Variants in DLGAP1 observed in about 807,000 individuals in gnomAD.
DLGAP1 encodes the protein DLG associated protein 1.
Under a neutral mutation model 90.8 loss-of-function variants are expected in DLGAP1, and 11 were observed. That is an observed-to-expected ratio of 0.12 (90% CI 0.08 to 0.20). DLGAP1 has a LOEUF of 0.20. Ranked by LOEUF, DLGAP1 falls within the 10% of genes least tolerant of loss-of-function variation. The pLI is 1.00. For missense variants in DLGAP1, 1,050 were observed against 1,333.8 expected, an observed-to-expected ratio of 0.79 and a Z score of 3.31; for synonymous variants, 558 against 540.7, an observed-to-expected ratio of 1.03 and a Z score of -0.44.
intron 7 of DLGAP1, among the ~76,000 whole-genome samples, chr18:3,703,410 G>A (rs1284126035): frequency 6.6e-6 from 1 of 152,182 alleles, no homozygotes; most frequent in Non-Finnish European, 1.5e-5. Flanking sequence ...TACTATAAAG[G>A]ACAAATAAAT....
chr18:3,626,827 G>A (rs1274213531), intron 7 of DLGAP1, among the ~76,000 whole-genome samples: 1 of 151,776 alleles, frequency 6.6e-6, no homozygotes, highest in East Asian at 2.0e-4. Flanking sequence ...GAACCCGGGA[G>A]GGCGGAGGCT....
chr18:3,879,245 T>C lies in DLGAP1; in HGVS notation c.824A>G (p.Lys275Arg), dbSNP rs1028983842. ...LPVSLDTPLL[K>R]KSAWSSTLTV... ...GAGCGTGGAGGACCAGGCGCTCTTC[T>C]TCAGCAGCGGGGTGTCCAGGCTGAC... The change falls in exon 4 of 13, where the codon AAG (lysine) becomes AGG (arginine). Residue 275 changes from lysine (K) to arginine (R), a missense_variant. Transcript: ENST00000315677. This position sits in a 1 kb window ranked among gnomAD's most constrained non-coding sequence, Gnocchi z 6.6. The C allele has an allele frequency of 6.3e-6, 10 of 1,597,014 alleles. No homozygotes were observed. The highest frequency in any genetic ancestry group is 4.0e-5 in the African/African-American group (3 of 74,374).
chr18:3,567,059 TTCATTCATTCA>T (rs1016876971), intron 9 of DLGAP1, among the ~76,000 whole-genome samples: 2 of 113,890 alleles, frequency 1.8e-5, no homozygotes, highest in East Asian at 4.4e-4. Context: ...CATTCATTCA[TTCATTCATTCA>T]TCATTCATTC....
intron 1 of DLGAP1, among the ~76,000 whole-genome samples, chr18:4,387,752 G>A (rs1413431559): frequency 2.6e-5 from 4 of 152,156 alleles, no homozygotes; most frequent in South Asian, 2.1e-4. Flanking sequence ...CCAGCATGGC[G>A]AAACCCCGTC....
chr18:3,816,468 GAAC>G (rs1010420958), intron 4 of DLGAP1, among the ~76,000 whole-genome samples: 2 of 152,146 alleles, frequency 1.3e-5, no homozygotes, highest in African/African-American at 2.4e-5. Context: ...TTAGATCTAA[GAAC>G]TTCAGATTGA....
At chr18:3,786,301 G>T (rs2065446504) in intron 5 of DLGAP1, among the ~76,000 whole-genome samples, 1 of 152,050 alleles carries the variant, frequency 6.6e-6, no homozygotes, top group African/African-American at 2.4e-5. Flanking sequence ...GCATTATTTT[G>T]CACCAAATGC....
intron 1 of DLGAP1, among the ~76,000 whole-genome samples, chr18:4,416,245 C>A (rs1490335163): frequency 6.6e-6 from 1 of 152,090 alleles, no homozygotes; most frequent in Non-Finnish European, 1.5e-5. Flanking sequence ...TATTTTCAAG[C>A]ATCCTGGCAA....
At chr18:4,067,946 C>A (rs977545013) in intron 2 of DLGAP1, among the ~76,000 whole-genome samples, 3 of 152,100 alleles carry the variant, frequency 2.0e-5, no homozygotes, top group Admixed American at 6.6e-5. Flanking sequence ...TGAGACTGTG[C>A]CTTGGGCCCT....
intron 1 of DLGAP1, among the ~76,000 whole-genome samples, chr18:4,387,006 T>A (rs1487430395): frequency 6.6e-6 from 1 of 152,182 alleles, no homozygotes; most frequent in Non-Finnish European, 1.5e-5. Context: ...CCTTTCTAAG[T>A]CACTCGCAAT....
At chr18:4,323,954 C>A (rs896218271) in intron 1 of DLGAP1, among the ~76,000 whole-genome samples, 1 of 151,938 alleles carries the variant, frequency 6.6e-6, no homozygotes, top group Non-Finnish European at 1.5e-5. Flanking sequence ...AACATAACAA[C>A]TGGAAGAACT....
chr18:3,654,402 TA>T (rs2059413412), intron 7 of DLGAP1, among the ~76,000 whole-genome samples: 1 of 152,244 alleles, frequency 6.6e-6, no homozygotes, highest in Admixed American at 6.5e-5. Context: ...ACAATAGTTT[TA>T]AAATTACTTA....
intron 2 of DLGAP1, among the ~76,000 whole-genome samples, chr18:4,144,278 G>A (rs182029244): frequency 6.6e-6 from 1 of 152,198 alleles, no homozygotes; most frequent in South Asian, 2.1e-4. Context: ...CAGAATTAGA[G>A]TTCTGACTGC....
intron 1 of DLGAP1, among the ~76,000 whole-genome samples, chr18:4,398,504 A>G (rs903906713): frequency 6.6e-6 from 1 of 152,122 alleles, no homozygotes. Context: ...TTGTTTACCA[A>G]CTCTCAGTGT....
intron 7 of DLGAP1, among the ~76,000 whole-genome samples, chr18:3,585,989 C>T (rs2055859722): frequency 6.6e-6 from 1 of 152,176 alleles, no homozygotes; most frequent in Non-Finnish European, 1.5e-5. Flanking sequence ...ACTCCCCAGG[C>T]CAACTGCAAT....
In DLGAP1 at chr18:4,454,704, G is replaced by T. The variant is rs2083928730; in HGVS notation, c.-267+302C>A. 1.3e-5 allele frequency among the ~76,000 whole-genome samples: 2 copies of T among 151,972 alleles called. No individual in the cohort carries two copies. The highest frequency in any genetic ancestry group is 2.9e-5 in the Non-Finnish European group (2 of 67,960). On this transcript the variant is annotated intron_variant, in intron 1 of 12. Coordinates refer to ENST00000315677, the MANE Select transcript of DLGAP1 (RefSeq NM_004746.4). The surrounding 1 kb of genome is among the most constrained non-coding windows in gnomAD (Gnocchi z 4.7). ...CCCCTCCCCCTTCCGGGACCCTGTC[G>T]CAATTAGAAATCCTTCCCCTGCCTG...
At chr18:3,740,957 C>T (rs1334888434) in intron 6 of DLGAP1, among the ~76,000 whole-genome samples, 1 of 145,144 alleles carries the variant, frequency 6.9e-6, no homozygotes, top group Admixed American at 6.9e-5. Context: ...CCACTGTCAC[C>T]ACCACCACCA....
rs150632557 is a variant in DLGAP1 at position 4,185,332 on chromosome 18, G to A, written c.-266-34045C>T. On this transcript the variant is annotated intron_variant, in intron 1 of 12. Coordinates refer to ENST00000315677, the MANE Select transcript of DLGAP1 (RefSeq NM_004746.4). ...AGGTTTCTTACGTAGGTAAACTTGC[G>A]TCATGGGGGTTTGTTGTACAGATTA... 2.4e-4 allele frequency among the ~76,000 whole-genome samples: 36 copies of A among 151,374 alleles called. No individual in the cohort carries two copies. The East Asian group carries it at 4.1e-3, about 17-fold the overall frequency.
At chr18:4,216,560 T>G (rs2077961237) in intron 1 of DLGAP1, among the ~76,000 whole-genome samples, 1 of 152,144 alleles carries the variant, frequency 6.6e-6, no homozygotes, top group Non-Finnish European at 1.5e-5. Flanking sequence ...TGAGTAAATA[T>G]ATCCTAGCTT....
chr18:3,607,753 T>C (rs2057390561), intron 7 of DLGAP1: 1 of 152,150 alleles, frequency 6.6e-6, no homozygotes. Flanking sequence ...CCATTCTCTC[T>C]ATCCTGCTTG....
Sources: allele counts gnomAD v4.1 joint callset (sites outside exome capture counted in the v4.1 genomes callset), GRCh38; gene constraint gnomAD v4.1.1; non-coding constraint Gnocchi (gnomAD v3.1); transcripts MANE v1.5; gene names NCBI Gene and HGNC (gene_info 2026-07-23, HGNC 2026-07-21).